The following SPRY3 variants were observed in gnomAD, a reference collection of about 807,000 sequenced individuals.
The protein encoded by SPRY3 is sprouty RTK signaling antagonist 3.
A neutral mutation model predicts 20.2 loss-of-function variants in SPRY3; 15 were observed. That is an observed-to-expected ratio of 0.74 (90% CI 0.50 to 1.14). The LOEUF is 1.14. SPRY3 is among the 50% of genes most tolerant of loss of function. The pLI, the probability that SPRY3 is intolerant of heterozygous loss-of-function variation, is 0.00. For synonymous variants in SPRY3, 143 were observed against 136.5 expected, an observed-to-expected ratio of 1.05 and a Z score of -0.33; for missense variants, 364 against 363.9, an observed-to-expected ratio of 1.00 and a Z score of 0.00.
intron 2 of SPRY3, among the ~76,000 whole-genome samples, chrX:155,724,433 C>T: frequency 6.6e-6 from 1 of 152,032 alleles, no homozygotes; most frequent in East Asian, 1.9e-4. Context: ...AATGTTTTTC[C>T]ATTTGTTTGT....
rs1212813104 is a variant in SPRY3, at chrX:155,766,309, C to CA, written c.-281-1652dup. ...AACACATCTGAGAGAGGGTAAATGA[C>CA]AGAGTGTCAGAGGTAGAAAGGACGT... On this transcript the variant is annotated intron_variant, in intron 2 of 3. Coordinates refer to ENST00000675360, the Ensembl canonical transcript of SPRY3. 2.6e-5 allele frequency among the ~76,000 whole-genome samples: 4 copies of CA among 152,220 alleles called. No homozygotes were observed. In the East Asian group the frequency reaches 7.7e-4, roughly 29 times the overall value.
chrX:155,634,072 T>C (rs2067915885), intron 1 of SPRY3, among the ~76,000 whole-genome samples: 1 of 107,332 alleles, frequency 9.3e-6, no homozygotes, highest in Non-Finnish European at 1.9e-5. Flanking sequence ...AGAGCGAGAC[T>C]CCATCAAAAA....
chrX:155,672,963 G>A (rs1164892652), intron 2 of SPRY3, among the ~76,000 whole-genome samples: 3 of 102,696 alleles, frequency 2.9e-5, no homozygotes, highest in Non-Finnish European at 5.9e-5. Context: ...ACTATCGCAA[G>A]GACAAAAAAC....
At chrX:155,710,736 T>A (rs2090980640) in intron 2 of SPRY3, among the ~76,000 whole-genome samples, 1 of 151,850 alleles carries the variant, frequency 6.6e-6, no homozygotes, top group Non-Finnish European at 1.5e-5. Context: ...CCTTGTCATG[T>A]TCTGATCTTA....
chrX:155,749,520 A>G (rs28725321), intron 2 of SPRY3, among the ~76,000 whole-genome samples: 31 of 151,828 alleles, frequency 2.0e-4, no homozygotes, highest in African/African-American at 6.3e-4. Flanking sequence ...CAAGAGAAAA[A>G]TATTCTGAGC....
intron 2 of SPRY3, among the ~76,000 whole-genome samples, chrX:155,732,703 T>C (rs1343271773): frequency 6.6e-6 from 1 of 152,080 alleles, no homozygotes; most frequent in Non-Finnish European, 1.5e-5. Context: ...TACACTCCCA[T>C]GTTTATTGCA....
chrX:155,728,290 G>A (rs1411889335), intron 2 of SPRY3, among the ~76,000 whole-genome samples: 1 of 152,134 alleles, frequency 6.6e-6, no homozygotes. Flanking sequence ...ACTTGAGGAG[G>A]CGGTCTGTTT....
chrX:155,624,543 T>TG (rs2067882021), intron 1 of SPRY3, among the ~76,000 whole-genome samples: 1 of 110,016 alleles, frequency 9.1e-6, no homozygotes, highest in Non-Finnish European at 1.9e-5. Flanking sequence ...TATCTATCTA[T>TG]CTATCTATCT....
intron 2 of SPRY3, among the ~76,000 whole-genome samples, chrX:155,752,855 T>G (rs1157548619): frequency 6.6e-6 from 1 of 151,882 alleles, no homozygotes; most frequent in Non-Finnish European, 1.5e-5. Context: ...AAAACATGTA[T>G]TTGTCCCAGC....
At chrX:155,749,950 C>A (rs2091252625) in intron 2 of SPRY3, among the ~76,000 whole-genome samples, 2 of 151,764 alleles carry the variant, frequency 1.3e-5, no homozygotes, top group Admixed American at 6.6e-5. Flanking sequence ...TATTTAAAGT[C>A]ATGAGACTGC....
At chrX:155,658,188 T>A (rs2124549889) in intron 2 of SPRY3, among the ~76,000 whole-genome samples, 1 of 111,979 alleles carries the variant, frequency 8.9e-6, no homozygotes, top group African/African-American at 3.2e-5. Context: ...CTTTTTTGGT[T>A]CCATATGTAC....
At chrX:155,774,637 C>T (rs747511875) in exon 4 of SPRY3, 18 of 1,613,818 alleles carry the variant, frequency 1.1e-5, no homozygotes, top group Admixed American at 1.0e-4. Context: ...TGATAGCCTC[C>T]GGCGACCAGG....
Position 155,716,981 on chromosome X carries a change from A to AAATATATATATATATATAT in SPRY3, c.-281-50980_-281-50979insATATATATATATATATATA, listed in dbSNP as rs1206891749. Among the ~76,000 whole-genome samples the AAATATATATATATATATAT allele has an allele frequency of 1.7e-4, 11 of 63,482 alleles. No homozygotes were observed. In the South Asian group the frequency reaches 5.6e-3, roughly 33 times the overall value. 41.6% of individuals were successfully genotyped at this position (63,482 alleles called of 152,430 possible). ...AAACCCTGTTTCCACTAAAATACAA[A>AAATATATATATATATATAT]ATATATATATATATATATATATATA... On this transcript the variant is annotated intron_variant, in intron 2 of 3. Transcript: ENST00000675360.
At chrX:155,666,096 C>T (rs201485025) in intron 2 of SPRY3, among the ~76,000 whole-genome samples, 2 of 110,365 alleles carry the variant, frequency 1.8e-5, no homozygotes, top group East Asian at 5.7e-4. Flanking sequence ...CCATTTCCAG[C>T]TGAAGGATCA....
intron 2 of SPRY3, among the ~76,000 whole-genome samples, chrX:155,684,751 T>A (rs779474880): frequency 3.6e-5 from 4 of 111,932 alleles, no homozygotes; most frequent in African/African-American, 1.3e-4. Flanking sequence ...TCTTTTGGCA[T>A]CATTTCCTCT....
intron 2 of SPRY3, among the ~76,000 whole-genome samples, chrX:155,724,637 T>G (rs924373814): frequency 6.6e-6 from 1 of 152,130 alleles, no homozygotes; most frequent in Non-Finnish European, 1.5e-5. Context: ...ATGCTTGTGA[T>G]TTTTGCACAT....
chrX:155,756,512 G>A (rs773288828), intron 2 of SPRY3, among the ~76,000 whole-genome samples: 45 of 152,158 alleles, frequency 3.0e-4, no homozygotes, highest in Admixed American at 2.8e-3. Context: ...TGAAGCATCC[G>A]ATAGGTGTCA....
intron 2 of SPRY3, among the ~76,000 whole-genome samples, chrX:155,706,918 C>T (rs1431339367): frequency 6.6e-6 from 1 of 151,022 alleles, no homozygotes; most frequent in South Asian, 2.1e-4. Context: ...ATGGGATGAT[C>T]TTTTAAAAGA....
chrX:155,697,482 A>AT (rs1293033890), intron 2 of SPRY3, among the ~76,000 whole-genome samples: 2 of 101,139 alleles, frequency 2.0e-5, no homozygotes, highest in Non-Finnish European at 3.9e-5. Context: ...CAATTAGCCA[A>AT]TTTTTTTATT....
Sources: gnomAD v4.1 joint callset for allele counts (sites outside exome capture counted in the v4.1 genomes callset) on GRCh38, gnomAD v4.1.1 for gene constraint, MANE v1.5 for transcripts, NCBI Gene and HGNC (gene_info 2026-07-23, HGNC 2026-07-21) for gene names.